FXR1: variants seen among roughly 807,000 people sequenced by gnomAD.
The protein encoded by FXR1 is FMR1 autosomal homolog 1, also known as RNA-binding protein FXR1.
Under a neutral mutation model 84.0 loss-of-function variants are expected in FXR1, and 15 were observed. The observed-to-expected ratio is 0.18, with a 90% CI of 0.12 to 0.27. The LOEUF is 0.27. Among genes scored for constraint, FXR1 ranks in the 10% least tolerant of loss-of-function variants. The pLI, the probability that FXR1 is intolerant of heterozygous loss-of-function variation, is 1.00. For synonymous variants in FXR1, 245 were observed against 250.7 expected (o/e 0.98, Z 0.21); for missense variants, 480 against 774.4 (o/e 0.62, Z 4.51).
At position 180,950,349 on chromosome 3, in the gene FXR1, A is replaced by G. The variant is rs147249756; in HGVS notation, c.631-949A>G. 1.8e-4 allele frequency among the ~76,000 whole-genome samples: 28 copies of G among 152,356 alleles called. No individual in the cohort carries two copies. In the East Asian group the frequency reaches 4.8e-3, roughly 26 times the overall value. ...TGGAAAAGTGTTTTAGACTAATAAA[A>G]TAGATGAATAAAACAGTTTCTTTTC... On this transcript the variant is annotated intron_variant, in intron 7 of 16. Transcript: ENST00000357559.
chr3:180,942,401 A>AAAG (rs1721234781), intron 3 of FXR1, among the ~76,000 whole-genome samples: 1 of 151,146 alleles, frequency 6.6e-6, no homozygotes, highest in Non-Finnish European at 1.5e-5. Flanking sequence ...AAAAAAAAAA[A>AAAG]AAAAGGCATA....
Position 180,926,861 on chromosome 3 carries a change from A to G in FXR1, c.52-6473A>G, listed in dbSNP as rs377395011. Among the ~76,000 whole-genome samples, 8 of 152,208 alleles carry G rather than the reference A, an allele frequency of 5.3e-5. No homozygotes were observed. In the East Asian group the frequency reaches 7.7e-4, roughly 15 times the overall value. On this transcript the variant is annotated intron_variant, in intron 1 of 16. Transcript: ENST00000357559. The stretch of plus-strand genomic sequence containing the variant: ...TAAAGTAACAGATGAATTAGTAATC[A>G]TGGTTACTTTCCAGTCAAAGGAATT...
At chr3:180,933,309 T>C (rs1304393594) in intron 1 of FXR1, 25 bp from the exon 2 acceptor site, 1 of 1,418,412 alleles carries the variant, frequency 7.1e-7, no homozygotes, top group Admixed American at 1.7e-5. Context: ...TATCTATGCT[T>C]TTATAATGTT....
intron 9 of FXR1, among the ~76,000 whole-genome samples, chr3:180,954,555 G>T (rs957628127): frequency 6.6e-6 from 1 of 152,116 alleles, no homozygotes; most frequent in Non-Finnish European, 1.5e-5. Flanking sequence ...TGCTATTTGA[G>T]GCAATTGGGA....
intron 1 of FXR1, among the ~76,000 whole-genome samples, chr3:180,926,506 A>ATATATATATATATATTT (rs72192827): frequency 1.8e-4 from 23 of 124,366 alleles, no homozygotes; most frequent in South Asian, 7.3e-4. Context: ...ATATATATAT[A>ATATATATATATATATTT]TTTTTTTTTC....
chr3:180,952,857 A>G (rs1722373105), intron 8 of FXR1, among the ~76,000 whole-genome samples: 1 of 144,524 alleles, frequency 6.9e-6, no homozygotes. Flanking sequence ...TTAAAGAGAC[A>G]GGGTCTACTC....
At chr3:180,975,554 C>A in intron 16 of FXR1, 150 bp downstream of exon 16, 1 of 454,744 alleles carries the variant, frequency 2.2e-6, no homozygotes, top group South Asian at 4.6e-5. Flanking sequence ...GTTCTTGGCC[C>A]CAGGTAACTA....
At chr3:180,922,361 G>T (rs1576894615) in intron 1 of FXR1, among the ~76,000 whole-genome samples, 1 of 152,112 alleles carries the variant, frequency 6.6e-6, no homozygotes, top group East Asian at 1.9e-4. Context: ...CAGTCTGTTG[G>T]ATGTAAAGGG....
At chr3:180,937,293 G>A (rs1436657909) in intron 3 of FXR1, among the ~76,000 whole-genome samples, 1 of 151,930 alleles carries the variant, frequency 6.6e-6, no homozygotes, top group Non-Finnish European at 1.5e-5. Flanking sequence ...CTTTTTTGTT[G>A]TTTAGACACT....
intron 13 of FXR1, among the ~76,000 whole-genome samples, chr3:180,963,605 C>G (rs1712424101): frequency 6.6e-6 from 1 of 152,180 alleles, no homozygotes. Context: ...CATCTCACAT[C>G]TGGAATTATT....
At position 180,980,928 on chromosome 3, in the gene FXR1, ATTTT is replaced by A. The variant is rs151155261; in HGVS notation, c.*4643_*4646del. 1 of 149,934 alleles carries A rather than the reference ATTTT, an allele frequency of 6.7e-6. No individual in the cohort carries two copies. The highest frequency in any genetic ancestry group is 2.4e-5 in the African/African-American group (1 of 40,882). The allele number at this position is 149,934 out of a possible 1,614,324, so 9.3% of individuals were successfully genotyped here. ...ACCTAGGAGAGCATTCTACATTGTA[ATTTT>A]TTTTTTACTTTGTTTACATAAAATT... is the stretch of plus-strand genomic sequence containing the variant. On this transcript the variant is annotated 3_prime_UTR_variant, in exon 17 of 17. Coordinates refer to ENST00000357559, the MANE Select transcript of FXR1 (RefSeq NM_005087.4).
chr3:180,939,654 T>C (rs1000933896), intron 3 of FXR1, among the ~76,000 whole-genome samples: 9 of 152,238 alleles, frequency 5.9e-5, no homozygotes, highest in African/African-American at 1.7e-4. Context: ...TTGTGTCCTC[T>C]TCTTAACTGT....
chr3:180,927,763 A>T (rs1237277909), intron 1 of FXR1: 1 of 445,120 alleles, frequency 2.2e-6, no homozygotes, highest in African/African-American at 2.0e-5. Flanking sequence ...CAAATGTTTA[A>T]CAATTTAAAG....
intron 14 of FXR1, among the ~76,000 whole-genome samples, chr3:180,969,073 A>C (rs569362122): frequency 6.6e-6 from 1 of 151,882 alleles, no homozygotes; most frequent in African/African-American, 2.4e-5. Context: ...ATAGATGCCA[A>C]CTGTGCTTAC....
intron 1 of FXR1, among the ~76,000 whole-genome samples, chr3:180,926,507 T>TA (rs397991792): frequency 0.04 from 3,135 of 78,732 alleles, 53 homozygotes; most frequent in Non-Finnish European, 0.058. Context: ...TATATATATA[T>TA]TTTTTTTTCT....
At chr3:180,926,506 A>ATATATATATATATATATATATATTT (rs72192827) in intron 1 of FXR1, among the ~76,000 whole-genome samples, 2 of 124,394 alleles carry the variant, frequency 1.6e-5, no homozygotes, top group African/African-American at 2.9e-5. Flanking sequence ...ATATATATAT[A>ATATATATATATATATATATATATTT]TTTTTTTTTC....
chr3:180,955,845 ACTGAAGTGAGTAC>A (rs1722692667), intron 9 of FXR1, among the ~76,000 whole-genome samples: 2 of 152,162 alleles, frequency 1.3e-5, no homozygotes, highest in Admixed American at 1.3e-4. Flanking sequence ...CTCTTTATTC[ACTGAAGTGAGTAC>A]CTGTTGTCTC....
chr3:180,952,484 G>T (rs1310456013), intron 8 of FXR1, among the ~76,000 whole-genome samples: 1 of 152,000 alleles, frequency 6.6e-6, no homozygotes, highest in African/African-American at 2.4e-5. Flanking sequence ...TTGAGTCCAG[G>T]AATGAGAGGC....
rs1336632976 is a variant in FXR1, at chr3:180,982,399, G to A, written c.*6107G>A. 3.9e-5 allele frequency: 6 copies of A among 151,978 alleles called. No individual in the cohort carries two copies. Among genetic ancestry groups the A allele is most frequent in the Non-Finnish European group, 7.4e-5 (5 of 67,960 alleles). The allele number at this position is 151,978 out of a possible 1,614,324, so 9.4% of individuals were successfully genotyped here. On this transcript the variant is annotated 3_prime_UTR_variant, in exon 17 of 17. Coordinates refer to ENST00000357559, the MANE Select transcript of FXR1 (RefSeq NM_005087.4). ...TTCAGTTTGCCTAATAGCCTTCAAT[G>A]AAACACGGATTCTTCTACTTAAAAA... is the stretch of plus-strand genomic sequence containing the variant.
Sources: allele counts gnomAD v4.1 joint callset (sites outside exome capture counted in the v4.1 genomes callset), GRCh38; gene constraint gnomAD v4.1.1; transcripts MANE v1.5; gene names NCBI Gene and HGNC (gene_info 2026-07-23, HGNC 2026-07-21).